DISC1: variants seen among roughly 807,000 people sequenced by gnomAD.
DISC1 encodes disrupted in schizophrenia 1 protein.
In DISC1, 57 loss-of-function variants were observed where a neutral mutation model predicts 84.5. The ratio of observed to expected loss-of-function variants is 0.67; its 90% CI spans 0.55 to 0.84. DISC1 has a LOEUF of 0.84. Among genes scored for constraint, DISC1 ranks in the 40% least tolerant of loss-of-function variants. DISC1 has a pLI of 0.00. For synonymous variants in DISC1, 411 were observed against 415.2 expected (o/e 0.99, Z 0.12); for missense variants, 1,000 against 1,057.8 (o/e 0.95, Z 0.76).
chr1:231,898,962 C>CA (rs1328670255), intron 9 of DISC1, among the ~76,000 whole-genome samples: 22 of 148,892 alleles, frequency 1.5e-4, no homozygotes, highest in Non-Finnish European at 2.4e-4. Flanking sequence ...TGAAACAAAA[C>CA]AAAAAAAACC....
chr1:231,985,336 CAAAAAAAA>C (rs59619547), intron 10 of DISC1, among the ~76,000 whole-genome samples: 2 of 99,708 alleles, frequency 2.0e-5, no homozygotes, highest in Non-Finnish European at 4.3e-5. Context: ...CCCCACCCAC[CAAAAAAAA>C]AAAAAAAAAA....
intron 9 of DISC1, among the ~76,000 whole-genome samples, chr1:231,831,570 G>A (rs980392604): frequency 5.3e-5 from 8 of 152,334 alleles, no homozygotes; most frequent in Admixed American, 2.6e-4. Context: ...CAGCATAAGC[G>A]TTGCCTAGAG....
At chr1:231,902,438 T>C (rs1415444634) in intron 9 of DISC1, among the ~76,000 whole-genome samples, 6 of 152,000 alleles carry the variant, frequency 3.9e-5, no homozygotes, top group South Asian at 2.1e-4. Context: ...CCATCTCTAC[T>C]AAAAATACAA....
intron 9 of DISC1, among the ~76,000 whole-genome samples, chr1:231,869,352 A>G (rs1293506724): frequency 3.3e-5 from 5 of 152,120 alleles, no homozygotes; most frequent in African/African-American, 1.2e-4. Flanking sequence ...CAACAAAAAT[A>G]TAAGTCAGGC....
chr1:231,749,076 G>C (rs367668877), intron 3 of DISC1, among the ~76,000 whole-genome samples: 2 of 152,320 alleles, frequency 1.3e-5, no homozygotes, highest in South Asian at 4.1e-4. Context: ...CTGAGCAGGG[G>C]ATACAGGGCT....
intron 6 of DISC1, among the ~76,000 whole-genome samples, chr1:231,793,690 C>T (rs1360340830): frequency 6.6e-6 from 1 of 152,142 alleles, no homozygotes; most frequent in Admixed American, 6.6e-5. Flanking sequence ...AACAAAAACA[C>T]TTCTTTCATA....
chr1:231,681,405 T>TTGTG (rs562016510), intron 1 of DISC1, among the ~76,000 whole-genome samples: 12 of 148,822 alleles, frequency 8.1e-5, no homozygotes, highest in South Asian at 6.4e-4. Context: ...TCGTGTGTGT[T>TTGTG]TGTGTGTGTG....
rs145931433 is a variant in DISC1 at position 231,876,345 on chromosome 1, C to G, written c.1981+57828C>G. ...TTTTGCCTTCTGCCATGAATGTAAGCTTCCTGAGGCCTCCCCAGAAACCAA... is the reference window on the plus strand; with the variant it reads ...TTTTGCCTTCTGCCATGAATGTAAGGTTCCTGAGGCCTCCCCAGAAACCAA... On this transcript the variant is annotated intron_variant, in intron 9 of 12. Coordinates refer to ENST00000439617, the MANE Select transcript of DISC1 (RefSeq NM_018662.3). 6.9e-3 allele frequency among the ~76,000 whole-genome samples: 1,054 copies of G among 152,314 alleles called. 10 individuals carry two copies. The highest frequency in any genetic ancestry group is 8.3e-3 in the Non-Finnish European group (567 of 68,028).
At chr1:231,983,854 G>A (rs961367765) in intron 10 of DISC1, among the ~76,000 whole-genome samples, 1 of 152,152 alleles carries the variant, frequency 6.6e-6, no homozygotes, top group Non-Finnish European at 1.5e-5. Context: ...TGAGGGCCTC[G>A]CAGTCGTGTT....
At chr1:231,895,114 C>A (rs2087581623) in intron 9 of DISC1, among the ~76,000 whole-genome samples, 1 of 150,474 alleles carries the variant, frequency 6.6e-6, no homozygotes. Context: ...CTCTTTTCTG[C>A]CTTCCTTTAG....
At chr1:231,835,116 G>A (rs946731693) in intron 9 of DISC1, among the ~76,000 whole-genome samples, 3 of 152,334 alleles carry the variant, frequency 2.0e-5, no homozygotes, top group Middle Eastern at 6.8e-3. Context: ...TAAAATTGGT[G>A]AGATGTTCCT....
rs1352630027 is a variant in DISC1, at chr1:231,741,020, A to AC, written c.1118-8906_1118-8905insC. ...GCCAGGTTCTAGCAGATGTTTTTGC[A>AC]TTTTGTTTATCAGCTTGTGCACATC... On this transcript the variant is annotated intron_variant, in intron 3 of 12. Coordinates refer to ENST00000439617, the MANE Select transcript of DISC1 (RefSeq NM_018662.3). Among the ~76,000 whole-genome samples the AC allele has an allele frequency of 2.6e-5, 4 of 152,264 alleles. No individual in the cohort carries two copies. In the East Asian group the frequency reaches 5.8e-4, roughly 22 times the overall value.
In DISC1 at chr1:231,694,136, C is replaced by G; in HGVS notation, c.378C>G (p.Thr126=). 6.2e-7 allele frequency: 1 copy of G among 1,614,194 alleles called. No homozygotes were observed. Among genetic ancestry groups the G allele is most frequent in the Non-Finnish European group, 8.5e-7 (1 of 1,180,038 alleles). The stretch of plus-strand genomic sequence containing the variant: ...TTGGGATTCAGCTCAGAGGTGGCAC[C>G]AGATTGCCTGACAGGCTTAGCTGGC... ...AHFGIQLRGG[T]RLPDRLSWPC... Residue 126 remains threonine (T), a synonymous_variant, in exon 2 of 13, where the codon ACC becomes ACG. Transcript: ENST00000439617.
Position 231,627,677 on chromosome 1 carries a change from G to C in DISC1, c.67+743G>C, listed in dbSNP as rs914228800. 2.6e-5 allele frequency among the ~76,000 whole-genome samples: 4 copies of C among 152,252 alleles called. No individual in the cohort carries two copies. In the South Asian group the frequency reaches 6.2e-4, roughly 24 times the overall value. ...TAAAATGTGAGGTTTTCCAAAGACA[G>C]TGAGATTTGGAGTTAGGGAGTGCTG... On this transcript the variant is annotated intron_variant, in intron 1 of 12. Coordinates refer to ENST00000439617, the MANE Select transcript of DISC1 (RefSeq NM_018662.3).
At chr1:231,976,020 T>C (rs1662745221) in intron 10 of DISC1, among the ~76,000 whole-genome samples, 4 of 152,256 alleles carry the variant, frequency 2.6e-5, no homozygotes. Context: ...AGTTTACTTA[T>C]GAAGCATCTA....
intron 4 of DISC1, among the ~76,000 whole-genome samples, chr1:231,763,583 A>T (rs934292726): frequency 3.9e-5 from 6 of 152,196 alleles, no homozygotes; most frequent in African/African-American, 9.6e-5. Flanking sequence ...ACAAAAACTG[A>T]GGTGACATAT....
intron 9 of DISC1, among the ~76,000 whole-genome samples, chr1:231,953,994 A>G (rs9431736): frequency 0.15 from 22,531 of 152,134 alleles, 1,869 homozygotes; most frequent in East Asian, 0.34. Context: ...CAAGGGATAC[A>G]ATTCATTGAA....
chr1:231,935,440 T>C (rs2090924570), intron 9 of DISC1, among the ~76,000 whole-genome samples: 1 of 152,210 alleles, frequency 6.6e-6, no homozygotes, highest in Non-Finnish European at 1.5e-5. Context: ...AAGTTGGGAA[T>C]GTCTTACAAA....
chr1:231,923,078 C>A (rs1164235752), intron 9 of DISC1, among the ~76,000 whole-genome samples: 1 of 151,962 alleles, frequency 6.6e-6, no homozygotes, highest in Non-Finnish European at 1.5e-5. Flanking sequence ...GACATTAAGA[C>A]CATCCTGGCT....
Sources: gnomAD v4.1 joint callset for allele counts (sites outside exome capture counted in the v4.1 genomes callset) on GRCh38, gnomAD v4.1.1 for gene constraint, MANE v1.5 for transcripts, NCBI Gene and HGNC (gene_info 2026-07-23, HGNC 2026-07-21) for gene names.